Variants in PDE1C observed in about 807,000 individuals in gnomAD.
PDE1C encodes the protein dual specificity calcium/calmodulin-dependent 3',5'-cyclic nucleotide phosphodiesterase 1C.
In PDE1C, 62 loss-of-function variants were observed where a neutral mutation model predicts 93.1. The observed-to-expected ratio is 0.67, with a 90% confidence interval of 0.54 to 0.82. The LOEUF is 0.82. Among genes scored for constraint, PDE1C ranks in the 40% least tolerant of loss-of-function variants. The pLI, the probability that PDE1C is intolerant of heterozygous loss-of-function variation, is 0.00. For missense variants in PDE1C, 742 were observed against 884.6 expected (o/e 0.84, Z 2.04); for synonymous variants, 325 against 310.1 (o/e 1.05, Z -0.50).
intron 1 of PDE1C, among the ~76,000 whole-genome samples, chr7:32,267,744 CTTCT>C (rs1469535559): frequency 6.6e-6 from 1 of 152,092 alleles, no homozygotes; most frequent in Non-Finnish European, 1.5e-5. Flanking sequence ...TCAGAAATGA[CTTCT>C]TTTTCTCCCA....
the PDE1C span, among the ~76,000 whole-genome samples, chr7:31,738,856 G>A: frequency 6.6e-6 from 1 of 152,142 alleles, no homozygotes. Flanking sequence ...GATGGTAATG[G>A]CTGCCTCAGG....
intron 2 of PDE1C, among the ~76,000 whole-genome samples, chr7:31,940,617 G>T (rs1805689830): frequency 6.6e-6 from 1 of 152,172 alleles, no homozygotes; most frequent in African/African-American, 2.4e-5. Flanking sequence ...TGGGTGCCCT[G>T]AGGCATTTAG....
At chr7:32,041,401 A>G (rs1791792853) in intron 2 of PDE1C, among the ~76,000 whole-genome samples, 1 of 152,110 alleles carries the variant, frequency 6.6e-6, no homozygotes. Flanking sequence ...TACTCCCTCC[A>G]GCTTGCTTAG....
At chr7:32,134,960 C>A (rs1455670791) in intron 3 of PDE1C, among the ~76,000 whole-genome samples, 5 of 152,106 alleles carry the variant, frequency 3.3e-5, no homozygotes, top group African/African-American at 9.7e-5. Context: ...GTGTAGCATG[C>A]AGTACCATGG....
chr7:31,677,533 T>C, the PDE1C span, among the ~76,000 whole-genome samples: 2 of 152,136 alleles, frequency 1.3e-5, no homozygotes, highest in Non-Finnish European at 2.9e-5. Flanking sequence ...CTAATCAAGC[T>C]AAGGAGAAAG....
At chr7:31,642,758 T>C in the PDE1C span, 7 of 1,613,994 alleles carry the variant, frequency 4.3e-6, no homozygotes, top group South Asian at 6.6e-5. Context: ...CACAGCTTAG[T>C]ATCATCCCAG....
At chr7:32,066,476 GATAATT>G (rs1379198792) in intron 1 of PDE1C, among the ~76,000 whole-genome samples, 1 of 152,148 alleles carries the variant, frequency 6.6e-6, no homozygotes, top group Non-Finnish European at 1.5e-5. Flanking sequence ...TATGAGATTA[GATAATT>G]ATAATTGTGA....
intron 3 of PDE1C, among the ~76,000 whole-genome samples, chr7:32,163,922 G>A (rs1357118905): frequency 2.0e-5 from 3 of 152,246 alleles, no homozygotes; most frequent in South Asian, 4.2e-4. Flanking sequence ...ATTAGAGGCT[G>A]TCACCTTCTT....
chr7:32,405,982 C>T (rs143991902), intron 1 of PDE1C, among the ~76,000 whole-genome samples: 1 of 152,300 alleles, frequency 6.6e-6, no homozygotes, highest in East Asian at 1.9e-4. Context: ...TGTAGCTCAG[C>T]ATACTTTTCA....
At chr7:31,807,981 C>A (rs552905528) in intron 16 of PDE1C, among the ~76,000 whole-genome samples, 1 of 151,330 alleles carries the variant, frequency 6.6e-6, no homozygotes, top group Non-Finnish European at 1.5e-5. Context: ...TGTAATAAGA[C>A]ACCTGGAGTT....
chr7:32,357,792 A>T (rs1445298672), intron 1 of PDE1C, among the ~76,000 whole-genome samples: 1 of 152,168 alleles, frequency 6.6e-6, no homozygotes, highest in African/African-American at 2.4e-5. Context: ...CAACCTATCA[A>T]TGGCCCTTCC....
chr7:31,884,899 T>C (rs1222031139), intron 2 of PDE1C, among the ~76,000 whole-genome samples: 3 of 152,242 alleles, frequency 2.0e-5, no homozygotes, highest in Non-Finnish European at 2.9e-5. Flanking sequence ...GTCTGAAAAT[T>C]AGCCAGGATC....
chr7:31,634,215 T>C, the PDE1C span, among the ~76,000 whole-genome samples: 3 of 152,148 alleles, frequency 2.0e-5, no homozygotes, highest in African/African-American at 4.8e-5. Flanking sequence ...GTCCCCCTAA[T>C]TGGGAGGGTA....
intron 3 of PDE1C, among the ~76,000 whole-genome samples, chr7:32,161,330 G>T (rs1801905543): frequency 6.6e-6 from 1 of 152,166 alleles, no homozygotes; most frequent in African/African-American, 2.4e-5. Flanking sequence ...AGAGCACAGA[G>T]CATCCTTGAC....
At chr7:32,424,507 G>A (rs117943632) in intron 1 of PDE1C, among the ~76,000 whole-genome samples, 1,710 of 152,282 alleles carry the variant, frequency 0.011, 15 homozygotes, top group Non-Finnish European at 0.017. Flanking sequence ...ACTAAGTCGG[G>A]TGCAGTGGCT....
At chr7:31,782,857 T>C (rs1783534055) in intron 16 of PDE1C, among the ~76,000 whole-genome samples, 1 of 152,226 alleles carries the variant, frequency 6.6e-6, no homozygotes, top group Non-Finnish European at 1.5e-5. Context: ...CACTTTATTA[T>C]AAAATAGGCT....
At chr7:31,818,152 C>T (rs756804424) in intron 14 of PDE1C, among the ~76,000 whole-genome samples, 1 of 152,086 alleles carries the variant, frequency 6.6e-6, no homozygotes, top group Non-Finnish European at 1.5e-5. Flanking sequence ...TTCTACTCCC[C>T]AAAAGGATGT....
intron 1 of PDE1C, among the ~76,000 whole-genome samples, chr7:32,357,321 G>A (rs569956564): frequency 3.4e-4 from 50 of 146,992 alleles, no homozygotes; most frequent in African/African-American, 1.1e-3. Flanking sequence ...GCAACAGAGC[G>A]AGATTCCATC....
At chr7:32,332,307 C>G (rs215636) in intron 1 of PDE1C, among the ~76,000 whole-genome samples, 100,134 of 151,978 alleles carry the variant, frequency 0.66, 34,870 homozygotes, top group Admixed American at 0.76. Context: ...ATTAGAGAAA[C>G]ACAAAATAAA....
Sources: allele counts gnomAD v4.1 joint callset (sites outside exome capture counted in the v4.1 genomes callset), GRCh38; gene constraint gnomAD v4.1.1; transcripts MANE v1.5; gene names NCBI Gene and HGNC (gene_info 2026-07-23, HGNC 2026-07-21).